Variants in WDR47 observed in about 807,000 individuals in gnomAD.
The protein encoded by WDR47 is WD repeat-containing protein 47.
In WDR47, 32 loss-of-function variants were observed where a neutral mutation model predicts 97.2. The ratio of observed to expected loss-of-function variants is 0.33; its 90% CI spans 0.25 to 0.44. WDR47 has a LOEUF of 0.44. Among genes scored for constraint, WDR47 ranks in the 20% least tolerant of loss-of-function variants. The pLI, the probability that WDR47 is intolerant of heterozygous loss-of-function variation, is 1.00. For synonymous variants in WDR47, 375 were observed against 373.5 expected (o/e 1.00, Z -0.05); for missense variants, 782 against 1,102.3 (o/e 0.71, Z 4.11).
chr1:109,008,155 C>T (rs1239302210), intron 5 of WDR47, among the ~76,000 whole-genome samples: 2 of 151,976 alleles, frequency 1.3e-5, no homozygotes, highest in Non-Finnish European at 2.9e-5. Flanking sequence ...CCTCACTTAA[C>T]TGATTGAAGT....
intron 1 of WDR47, among the ~76,000 whole-genome samples, chr1:109,037,220 T>G (rs912143304): frequency 6.6e-6 from 1 of 151,230 alleles, no homozygotes; most frequent in African/African-American, 2.4e-5. Context: ...TCCCAGCTAC[T>G]AGGGAGGCTG....
intron 3 of WDR47, among the ~76,000 whole-genome samples, chr1:109,015,185 G>GA (rs1661325698): frequency 6.6e-6 from 1 of 150,922 alleles, no homozygotes; most frequent in African/African-American, 2.5e-5. Context: ...AGCATGGTCT[G>GA]AATAGCAAAT....
chr1:108,973,465 T>C (rs895471898), intron 14 of WDR47, among the ~76,000 whole-genome samples: 1 of 152,162 alleles, frequency 6.6e-6, no homozygotes, highest in Non-Finnish European at 1.5e-5. Flanking sequence ...AGTCCCTAAT[T>C]GATATACAAT....
intron 8 of WDR47, among the ~76,000 whole-genome samples, chr1:108,994,532 C>T (rs1659610712): frequency 1.3e-5 from 2 of 151,758 alleles, no homozygotes; most frequent in Non-Finnish European, 2.9e-5. Flanking sequence ...TCACTTAAGC[C>T]CAGGAATTTG....
intron 13 of WDR47, among the ~76,000 whole-genome samples, chr1:108,977,712 C>T (rs1311445197): frequency 3.3e-5 from 5 of 152,058 alleles, no homozygotes; most frequent in East Asian, 1.9e-4. Context: ...ATGAGCTGGG[C>T]GTGGTGGTGC....
chr1:108,998,830 A>G (rs897827071), intron 7 of WDR47, among the ~76,000 whole-genome samples: 17 of 152,232 alleles, frequency 1.1e-4, no homozygotes, highest in African/African-American at 4.1e-4. Flanking sequence ...GAGAGGAAAA[A>G]GCACATTTTA....
chr1:108,982,799 T>TAA lies in WDR47; in HGVS notation c.2096-22_2096-21dup. ...CTGGTCCTGAAACAGTAGTAAGAAT[T>TAA]AAAAAAAAAAAATGCTGCTCAACTT... On this transcript the variant is annotated intron_variant, in intron 11 of 14. Coordinates refer to ENST00000369962, the MANE Select transcript of WDR47 (RefSeq NM_001142551.2). 38 of 1,228,528 alleles carry TAA rather than the reference T, an allele frequency of 3.1e-5. No individual in the cohort carries two copies. Among genetic ancestry groups the TAA allele is most frequent in the Admixed American group, 1.2e-4 (5 of 40,554 alleles). The allele number at this position is 1,228,528 out of a possible 1,614,324, so 76.1% of individuals were successfully genotyped here.
At chr1:108,988,868 C>T (rs1459459216) in intron 9 of WDR47, among the ~76,000 whole-genome samples, 1 of 151,990 alleles carries the variant, frequency 6.6e-6, no homozygotes, top group Non-Finnish European at 1.5e-5. Context: ...AGCGATTCTC[C>T]TGCCTCAGCC....
intron 5 of WDR47, among the ~76,000 whole-genome samples, chr1:109,008,482 C>T (rs553296586): frequency 3.1e-4 from 47 of 152,216 alleles, no homozygotes; most frequent in South Asian, 2.7e-3. Flanking sequence ...AGGCTGGTCT[C>T]AAACTTCTGA....
intron 7 of WDR47, among the ~76,000 whole-genome samples, chr1:108,999,795 G>C (rs1300051276): frequency 2.0e-5 from 3 of 152,120 alleles, no homozygotes; most frequent in Non-Finnish European, 4.4e-5. Context: ...CTATTGGGGA[G>C]GAGGGTCACA....
intron 1 of WDR47, among the ~76,000 whole-genome samples, chr1:109,028,458 C>T (rs903361172): frequency 2.2e-5 from 3 of 139,016 alleles, no homozygotes; most frequent in Non-Finnish European, 4.6e-5. Context: ...GCAATCCACC[C>T]GCCTCGACCT....
At chr1:108,990,737 T>C (rs1262032379) in intron 9 of WDR47, among the ~76,000 whole-genome samples, 2 of 151,856 alleles carry the variant, frequency 1.3e-5, no homozygotes, top group Non-Finnish European at 1.5e-5. Context: ...GGAAAGGATG[T>C]TTGCTTCCAA....
intron 10 of WDR47, 114 bp downstream of exon 10, chr1:108,986,409 G>T: frequency 1.1e-6 from 1 of 927,922 alleles, no homozygotes. Context: ...AAGTTTAATC[G>T]AAGGAAAGAA....
rs903283640 is a variant in WDR47, at chr1:109,011,244, G to A, written c.802C>T (p.His268Tyr). 3.1e-6 allele frequency: 5 copies of A among 1,613,984 alleles called. No homozygotes were observed. In the African/African-American group the frequency reaches 5.3e-5, roughly 17 times the overall value. ...GTAGGTTTCAGAAGTTTGTCAACAT[G>A]AATATTAAGCATTTTCTGTTCAAAA... ...CAFEQKMLNI[H>Y]VDKLLKPTKA... The change falls in exon 5 of 15, where the codon CAT becomes TAT. Residue 268 changes from histidine (H) to tyrosine (Y), a missense_variant. His to Tyr is a moderately conservative substitution (Grantham distance 83, BLOSUM62 2). This residue lies in a region of WDR47 where 428 missense variants were observed against 584.3 expected (regional missense o/e 0.73). Coordinates refer to ENST00000369962, the MANE Select transcript of WDR47 (RefSeq NM_001142551.2).
chr1:109,034,014 C>T (rs1162411146), intron 1 of WDR47, among the ~76,000 whole-genome samples: 1 of 152,190 alleles, frequency 6.6e-6, no homozygotes, highest in Non-Finnish European at 1.5e-5. Context: ...GTTGGTGAAG[C>T]ATGATGGCTC....
At chr1:109,010,240 C>A (rs1660938077) in intron 5 of WDR47, among the ~76,000 whole-genome samples, 1 of 152,028 alleles carries the variant, frequency 6.6e-6, no homozygotes, top group African/African-American at 2.4e-5. Context: ...TAACTTTCAA[C>A]TAAAAGGACC....
chr1:109,028,770 A>G (rs1436617348), intron 1 of WDR47, among the ~76,000 whole-genome samples: 1 of 151,984 alleles, frequency 6.6e-6, no homozygotes, highest in Non-Finnish European at 1.5e-5. Flanking sequence ...TTTTTTTAAA[A>G]AACATTTTTG....
At position 108,983,465 on chromosome 1, in the gene WDR47, T is replaced by G; in HGVS notation, c.1926-14A>C. The G allele has an allele frequency of 6.5e-7, 1 of 1,530,246 alleles. No individual in the cohort carries two copies. Among genetic ancestry groups the G allele is most frequent in the Non-Finnish European group, 8.8e-7 (1 of 1,136,660 alleles). The allele number at this position is 1,530,246 out of a possible 1,614,324, so 94.8% of individuals were successfully genotyped here. A position where few individuals can be genotyped will look rare whatever the true frequency, so the allele number is the denominator to read the frequency against. ...GTCTCATGTGCACTGAAAAGAAAAA[T>G]TACAGAAATATATTTCAATTTCTTG... On this transcript the variant is annotated splice_polypyrimidine_tract_variant and intron_variant, in intron 10 of 14. Coordinates refer to ENST00000369962, the MANE Select transcript of WDR47 (RefSeq NM_001142551.2).
intron 13 of WDR47, among the ~76,000 whole-genome samples, chr1:108,975,702 C>T (rs1203832363): frequency 2.7e-5 from 4 of 150,426 alleles, no homozygotes; most frequent in African/African-American, 7.3e-5. Context: ...GTTTGAATAA[C>T]ACTGCTCTAG....
Sources: gnomAD v4.1 joint callset for allele counts (sites outside exome capture counted in the v4.1 genomes callset) on GRCh38, gnomAD v4.1.1 for gene constraint, gnomAD v4.1.1 regional missense constraint, MANE v1.5 for transcripts, NCBI Gene and HGNC (gene_info 2026-07-23, HGNC 2026-07-21) for gene names.